Variants in PFKFB3 observed in about 807,000 individuals in gnomAD.
PFKFB3 encodes the protein 6-phosphofructo-2-kinase/fructose-2,6-biphosphatase 3, also known as 6-phosphofructo-2-kinase/fructose-2,6-bisphosphatase 3.
PFKFB3 carries 33 observed loss-of-function variants against 68.0 expected under a neutral mutation model. The observed-to-expected ratio is 0.49, with a 90% confidence interval of 0.37 to 0.65. PFKFB3 has a LOEUF of 0.65. Among genes scored for constraint, PFKFB3 ranks in the 30% least tolerant of loss-of-function variants. PFKFB3 has a pLI of 0.00. For synonymous variants in PFKFB3, 315 were observed against 288.2 expected (o/e 1.09, Z -0.94); for missense variants, 586 against 712.2 (o/e 0.82, Z 2.02).
At chr10:6,157,071 C>T (rs999497436) in intron 1 of PFKFB3, among the ~76,000 whole-genome samples, 3 of 150,306 alleles carry the variant, frequency 2.0e-5, no homozygotes, top group Non-Finnish European at 4.4e-5. Context: ...CAGCCTGGGC[C>T]ACAGAGCGAG....
At chr10:6,158,173 C>T (rs528191091) in intron 1 of PFKFB3, among the ~76,000 whole-genome samples, 1 of 151,988 alleles carries the variant, frequency 6.6e-6, no homozygotes, top group East Asian at 1.9e-4. Context: ...CCTGTGGTCC[C>T]AGCTACTTGG....
At chr10:6,174,287 A>G (rs1377402241) in intron 1 of PFKFB3, among the ~76,000 whole-genome samples, 1 of 152,204 alleles carries the variant, frequency 6.6e-6, no homozygotes, top group Admixed American at 6.5e-5. Context: ...AGAAGCAGAC[A>G]TCGTGACCTT....
chr10:6,183,949 C>T (rs997514269), intron 1 of PFKFB3, among the ~76,000 whole-genome samples: 1 of 151,958 alleles, frequency 6.6e-6, no homozygotes, highest in Non-Finnish European at 1.5e-5. Context: ...CTCGCCCTCC[C>T]AAAGTGCTGG....
At chr10:6,277,729 C>T in the PFKFB3 span, 32 of 416,858 alleles carry the variant, frequency 7.7e-5, no homozygotes, top group Non-Finnish European at 1.5e-4. Flanking sequence ...TGAGCAGATG[C>T]CAGCACCACG....
intron 14 of PFKFB3, among the ~76,000 whole-genome samples, chr10:6,243,515 G>A (rs1846186508): frequency 6.6e-6 from 1 of 152,210 alleles, no homozygotes; most frequent in Non-Finnish European, 1.5e-5. Flanking sequence ...GGCTCTGGGT[G>A]CTGTCACCCT....
intron 5 of PFKFB3, 80 bp downstream of exon 5, chr10:6,216,860 G>T: frequency 1.1e-6 from 1 of 942,066 alleles, no homozygotes; most frequent in Non-Finnish European, 1.6e-6. Flanking sequence ...GTCCTGCTTG[G>T]TCCTTCCCCT....
At chr10:6,291,388 CA>C in the PFKFB3 span, among the ~76,000 whole-genome samples, 1 of 151,958 alleles carries the variant, frequency 6.6e-6, no homozygotes, top group Admixed American at 6.6e-5. Flanking sequence ...CCTGTCTCCA[CA>C]AAAAATAAAA....
At chr10:6,147,490 C>A (rs998868425) in intron 1 of PFKFB3, among the ~76,000 whole-genome samples, 1 of 152,088 alleles carries the variant, frequency 6.6e-6, no homozygotes. Flanking sequence ...GGGTACCAGG[C>A]AAGTCGAGGA....
chr10:6,213,926 T>C (rs1282578500), intron 2 of PFKFB3, among the ~76,000 whole-genome samples, 178 bp downstream of exon 2: 4 of 152,060 alleles, frequency 2.6e-5, no homozygotes, highest in African/African-American at 9.7e-5. Flanking sequence ...CTTTTTCTTC[T>C]GTTGGGGTTT....
At chr10:6,251,583 A>G (rs1023105941) in intron 14 of PFKFB3, among the ~76,000 whole-genome samples, 5 of 152,180 alleles carry the variant, frequency 3.3e-5, no homozygotes, top group African/African-American at 1.2e-4. Context: ...GGGAAGATCA[A>G]TCTGGTGGCC....
At chr10:6,231,404 C>T (rs931039248) in intron 14 of PFKFB3, 55 of 1,585,578 alleles carry the variant, frequency 3.5e-5, no homozygotes, top group African/African-American at 5.4e-5. Flanking sequence ...ATGCGGGGCT[C>T]ATCTGTCTCC....
chr10:6,277,845 G>A, the PFKFB3 span: 1 of 267,378 alleles, frequency 3.7e-6, no homozygotes, highest in Non-Finnish European at 8.0e-6. Context: ...GACTAATACA[G>A]CATGTAACCT....
intron 1 of PFKFB3, among the ~76,000 whole-genome samples, chr10:6,185,214 C>A (rs1204836780): frequency 2.0e-5 from 3 of 152,162 alleles, no homozygotes; most frequent in African/African-American, 7.2e-5. Context: ...TTCTCTGCTC[C>A]TCTCCTTTGA....
At position 6,183,614 on chromosome 10, in the gene PFKFB3, A is replaced by AAAAT. The variant is rs1242752213; in HGVS notation, c.17-30008_17-30007insAATA. On this transcript the variant is annotated intron_variant, in intron 1 of 14. Transcript: ENST00000379789. ...GACCAGCCTGGTCAAAAAAAAAAAA[A>AAAAT]ATATATATATATATATATGTATATA... Among the ~76,000 whole-genome samples the AAAAT allele has an allele frequency of 5.7e-3, 536 of 93,886 alleles. 6 individuals are homozygous for AAAAT. Among genetic ancestry groups the AAAAT allele is most frequent in the African/African-American group, 0.016 (467 of 29,314 alleles). 61.6% of individuals were successfully genotyped at this position (93,886 alleles called of 152,430 possible).
the PFKFB3 span, among the ~76,000 whole-genome samples, chr10:6,303,811 A>G: frequency 2.6e-5 from 4 of 151,892 alleles, no homozygotes; most frequent in Admixed American, 6.6e-5. Flanking sequence ...AAAAAAAAAA[A>G]AAAAGAAAAT....
At chr10:6,159,450 GCA>G (rs1472685909) in intron 1 of PFKFB3, among the ~76,000 whole-genome samples, 1 of 151,922 alleles carries the variant, frequency 6.6e-6, no homozygotes, top group Non-Finnish European at 1.5e-5. Context: ...TGTAATCCCA[GCA>G]CTTTGGGAGG....
intron 13 of PFKFB3, 64 bp from the exon 14 acceptor site, chr10:6,226,128 G>A (rs1845332074): frequency 4.2e-6 from 6 of 1,419,906 alleles, no homozygotes; most frequent in Non-Finnish European, 5.7e-6. Context: ...ACTTTTTTGG[G>A]GCTAATTTTC....
intron 1 of PFKFB3, among the ~76,000 whole-genome samples, chr10:6,169,189 G>T (rs1389547852): frequency 1.3e-5 from 2 of 152,244 alleles, no homozygotes; most frequent in East Asian, 1.9e-4. Context: ...TGATCCCCCC[G>T]CCTCAGCCTC....
chr10:6,294,207 A>G, the PFKFB3 span: 1 of 529,176 alleles, frequency 1.9e-6, no homozygotes, highest in East Asian at 5.5e-5. Context: ...ATCTTGAGAG[A>G]TGTGAACAGA....
Sources: allele counts gnomAD v4.1 joint callset (sites outside exome capture counted in the v4.1 genomes callset), GRCh38; gene constraint gnomAD v4.1.1; transcripts MANE v1.5; gene names NCBI Gene and HGNC (gene_info 2026-07-23, HGNC 2026-07-21).